AMACR: variants seen among roughly 807,000 people sequenced by gnomAD.
AMACR encodes the protein 2-methylacyl-CoA racemase.
Under a neutral mutation model 22.2 loss-of-function variants are expected in AMACR, and 18 were observed. The ratio of observed to expected loss-of-function variants is 0.81; its 90% CI spans 0.56 to 1.20. AMACR has a LOEUF of 1.20. Among genes scored for constraint, AMACR ranks in the 50% most tolerant of loss-of-function variants. AMACR has a pLI of 0.00. For synonymous variants in AMACR, 213 were observed against 191.3 expected (o/e 1.11, Z -0.94); for missense variants, 499 against 490.6 (o/e 1.02, Z -0.16).
In AMACR at chr5:34,004,620, A is replaced by G. The variant is rs759053723; in HGVS notation, c.506T>C (p.Phe169Ser). The G allele has an allele frequency of 3.7e-6, 6 of 1,614,102 alleles. No individual in the cohort carries two copies. Among genetic ancestry groups the G allele is most frequent in the Non-Finnish European group, 4.2e-6 (5 of 1,180,036 alleles). ...MCALGIIMAL[F>S]DRTRTGKGQV... ...ACCCTTGCCAGTGCGTGTGCGGTCA[A>G]AAAGAGCCATTATAATGCCCAGTGC... Residue 169 changes from phenylalanine (F) to serine (S), a missense_variant, in exon 3 of 5, where the codon TTT (phenylalanine) becomes TCT (serine). Coordinates refer to ENST00000335606, the MANE Select transcript of AMACR (RefSeq NM_014324.6).
At chr5:33,997,246 T>C in intron 4 of AMACR, 1 of 770,692 alleles carries the variant, frequency 1.3e-6, no homozygotes, top group Non-Finnish European at 2.4e-6. Context: ...TTCTTGATCC[T>C]TTCTTTATTG....
chr5:33,995,572 A>C (rs181955236), intron 4 of AMACR, among the ~76,000 whole-genome samples: 132 of 152,370 alleles, frequency 8.7e-4, no homozygotes, highest in African/African-American at 3.1e-3. Flanking sequence ...TGGGTGGAAG[A>C]CATAAACAGA....
chr5:33,987,067 G>A lies in AMACR; in HGVS notation c.*2026C>T, dbSNP rs1753314294. 1 of 152,264 alleles carries A rather than the reference G, an allele frequency of 6.6e-6. No homozygotes were observed. The highest frequency in any genetic ancestry group is 1.5e-5 in the Non-Finnish European group (1 of 68,052). The allele number at this position is 152,264 out of a possible 1,614,324, so 9.4% of individuals were successfully genotyped here. ...GGTTCTTGTTCTGTTGCCTGGGCTAGAGTGCAGTGGTGCAATCCTAATTCA... is the reference window on the plus strand; with the variant it reads ...GGTTCTTGTTCTGTTGCCTGGGCTAAAGTGCAGTGGTGCAATCCTAATTCA... On this transcript the variant is annotated 3_prime_UTR_variant, in exon 5 of 5. Transcript: ENST00000335606.
intron 4 of AMACR, chr5:33,997,739 C>T (rs1320181139): frequency 9.0e-6 from 5 of 555,460 alleles, no homozygotes; most frequent in Non-Finnish European, 1.6e-5. Context: ...ATAGTTTTTC[C>T]AACTATATTT....
intron 4 of AMACR, chr5:33,996,999 T>G: frequency 1.6e-6 from 1 of 618,194 alleles, no homozygotes; most frequent in South Asian, 1.8e-5. Flanking sequence ...TGTCCAGTAT[T>G]TTTTTTTAAT....
chr5:33,995,332 G>A (rs559016393), intron 4 of AMACR, among the ~76,000 whole-genome samples: 70 of 152,300 alleles, frequency 4.6e-4, no homozygotes, highest in African/African-American at 1.6e-3. Context: ...GAAGCCTAAC[G>A]TGCTTCCCTT....
chr5:33,987,178 G>T lies in AMACR; in HGVS notation c.*1915C>A, dbSNP rs1753317672. ...CTACAGGCACACACCACCATACCTGGATAATTTTTTTATTTTTATTTCGTA... is the reference window on the plus strand; with the variant it reads ...CTACAGGCACACACCACCATACCTGTATAATTTTTTTATTTTTATTTCGTA... On this transcript the variant is annotated 3_prime_UTR_variant, in exon 5 of 5. Transcript: ENST00000335606. 6.6e-6 allele frequency: 1 copy of T among 152,046 alleles called. No homozygotes were observed. The highest frequency in any genetic ancestry group is 1.5e-5 in the Non-Finnish European group (1 of 68,036). The allele number at this position is 152,046 out of a possible 1,614,324, so 9.4% of individuals were successfully genotyped here.
intron 2 of AMACR, 151 bp from the exon 3 acceptor site, chr5:34,004,885 C>T (rs1753926028): frequency 1.1e-6 from 1 of 893,886 alleles, no homozygotes; most frequent in Non-Finnish European, 1.7e-6. Flanking sequence ...TGAGCTTAGT[C>T]AGTAAACTCA....
At chr5:33,997,183 ACC>A in intron 4 of AMACR, 1 of 752,070 alleles carries the variant, frequency 1.3e-6, no homozygotes, top group Non-Finnish European at 2.5e-6. Context: ...GTTTTGTCAT[ACC>A]CTATATGAGG....
In AMACR at chr5:34,005,686, G is replaced by T. The variant is rs1753950026; in HGVS notation, c.391+70C>A. ...TAAATTTTTACCTTTACAAATTATT[G>T]TTAATCAACATACCTGTAGATCTTG... is the stretch of plus-strand genomic sequence containing the variant. On this transcript the variant is annotated intron_variant, in intron 2 of 4. Transcript: ENST00000335606. 1.9e-6 allele frequency: 3 copies of T among 1,559,738 alleles called. No individual in the cohort carries two copies. In the East Asian group the frequency reaches 6.8e-5, roughly 35 times the overall value.
At chr5:33,989,596 A>G in intron 4 of AMACR, 94 bp from the exon 5 acceptor site, 1 of 1,053,974 alleles carries the variant, frequency 9.5e-7, no homozygotes, top group Non-Finnish European at 1.4e-6. Flanking sequence ...ACTATGCAAA[A>G]TAAGATGTTC....
At chr5:33,999,396 T>A (rs1753742262) in intron 3 of AMACR, among the ~76,000 whole-genome samples, 1 of 152,192 alleles carries the variant, frequency 6.6e-6, no homozygotes, top group Admixed American at 6.5e-5. Context: ...TAAAATAAAC[T>A]AACAATATGG....
chr5:33,986,435 C>G lies in AMACR; in HGVS notation c.*2658G>C, dbSNP rs1243235110. ...AGGTCTGTTTTGTTCATTATGGTAT[C>G]CCCAGCAAGTATCATGATACCTGGC... On this transcript the variant is annotated 3_prime_UTR_variant, in exon 5 of 5. Coordinates refer to ENST00000335606, the MANE Select transcript of AMACR (RefSeq NM_014324.6). 6.6e-6 allele frequency: 1 copy of G among 152,162 alleles called. No homozygotes were observed. The highest frequency in any genetic ancestry group is 2.1e-4 in the South Asian group (1 of 4,826). 9.4% of individuals were successfully genotyped at this position (152,162 alleles called of 1,614,324 possible).
In AMACR at chr5:33,996,660, G is replaced by C. The variant is rs780657522; in HGVS notation, c.739+1981C>G. Among the ~76,000 whole-genome samples, 29 of 133,226 alleles carry C rather than the reference G, an allele frequency of 2.2e-4. No individual in the cohort carries two copies. In the South Asian group the frequency reaches 6.7e-3, roughly 31 times the overall value. The allele number at this position is 133,226 out of a possible 152,430, so 87.4% of individuals were successfully genotyped here. On this transcript the variant is annotated intron_variant, in intron 4 of 4. Coordinates refer to ENST00000335606, the MANE Select transcript of AMACR (RefSeq NM_014324.6). ...ATTTTGCCTATAGTCCCAGCTACTT[G>C]GGAGACTGAAGCAGGAGAATCACTG...
chr5:33,992,523 C>T (rs1753514523), intron 4 of AMACR, among the ~76,000 whole-genome samples: 1 of 151,916 alleles, frequency 6.6e-6, no homozygotes, highest in Non-Finnish European at 1.5e-5. Context: ...ACCTGGGCAA[C>T]TTAGTAAAGT....
chr5:33,997,417 T>TG, intron 4 of AMACR: 1 of 778,086 alleles, frequency 1.3e-6, no homozygotes, highest in Non-Finnish European at 2.4e-6. Context: ...CCCCATGACT[T>TG]GGGCTGCAAC....
intron 4 of AMACR, among the ~76,000 whole-genome samples, chr5:33,991,031 T>C (rs3822464): frequency 0.49 from 73,727 of 151,700 alleles, 19,772 homozygotes; most frequent in Non-Finnish European, 0.61. Flanking sequence ...GCACATAAAA[T>C]GAGCATTGAG....
In AMACR at chr5:33,996,628, A is replaced by G. The variant is rs1579576650; in HGVS notation, c.739+2013T>C. The stretch of plus-strand genomic sequence containing the variant: ...TAGCAAGATTCTATTTCGACCAAAA[A>G]TAAAAAATTTTGCCTATAGTCCCAG... On this transcript the variant is annotated intron_variant, in intron 4 of 4. Transcript: ENST00000335606. 3.4e-5 allele frequency among the ~76,000 whole-genome samples: 4 copies of G among 116,676 alleles called. No homozygotes were observed. In the South Asian group the frequency reaches 1.0e-3, roughly 31 times the overall value. 76.5% of individuals were successfully genotyped at this position (116,676 alleles called of 152,430 possible).
chr5:34,007,396 CGCCTA>C (rs1234845851), intron 1 of AMACR, among the ~76,000 whole-genome samples: 1 of 152,084 alleles, frequency 6.6e-6, no homozygotes, highest in Non-Finnish European at 1.5e-5. Context: ...GCCGAATGAC[CGCCTA>C]TATGCAGTTT....
Sources: gnomAD v4.1 joint callset for allele counts (sites outside exome capture counted in the v4.1 genomes callset) on GRCh38, gnomAD v4.1.1 for gene constraint, MANE v1.5 for transcripts, NCBI Gene and HGNC (gene_info 2026-07-23, HGNC 2026-07-21) for gene names.